ANXA11: variants seen among roughly 807,000 people sequenced by gnomAD.
ANXA11 encodes 56 kDa autoantigen.
A neutral mutation model predicts 64.7 loss-of-function variants in ANXA11; 57 were observed. The observed-to-expected ratio is 0.88, with a 90% CI of 0.71 to 1.10. The LOEUF is 1.10. ANXA11 is among the 50% of genes least tolerant of loss of function. ANXA11 has a pLI of 0.00. For missense variants in ANXA11, 675 were observed against 670.7 expected (o/e 1.01, Z -0.07); for synonymous variants, 260 against 265.2 (o/e 0.98, Z 0.19).
intron 8 of ANXA11, among the ~76,000 whole-genome samples, chr10:80,165,469 G>A (rs908295622): frequency 2.6e-5 from 4 of 152,180 alleles, no homozygotes; most frequent in Admixed American, 1.3e-4. Context: ...GAACCTGCCC[G>A]TTTGGAGACC....
At chr10:80,159,244 A>G in intron 12 of ANXA11, 49 bp from the exon 13 acceptor site, 7 of 1,502,342 alleles carry the variant, frequency 4.7e-6, no homozygotes, top group Non-Finnish European at 6.5e-6. Context: ...GTGTCTCCCC[A>G]AAGTTCATAT....
intron 9 of ANXA11, among the ~76,000 whole-genome samples, 195 bp downstream of exon 9, chr10:80,163,858 G>A (rs1845619872): frequency 6.6e-6 from 1 of 152,170 alleles, no homozygotes. Context: ...CCTTACATTA[G>A]TCATTTGCAC....
intron 1 of ANXA11, among the ~76,000 whole-genome samples, chr10:80,191,555 T>G (rs1846776121): frequency 6.6e-6 from 1 of 152,148 alleles, no homozygotes; most frequent in Non-Finnish European, 1.5e-5. Context: ...TCAGCCAGCT[T>G]TCTTCAACAA....
At chr10:80,181,547 A>G (rs148177589) in intron 1 of ANXA11, 27 of 152,306 alleles carry the variant, frequency 1.8e-4, no homozygotes, top group African/African-American at 5.8e-4. Context: ...TGCAAAAGAC[A>G]TATCTGATAA....
At position 80,164,137 on chromosome 10, in the gene ANXA11, C is replaced by T. The variant is rs763349646; in HGVS notation, c.865G>A (p.Gly289Ser). The change falls in exon 9 of 16, where the codon GGC becomes AGC. Residue 289 changes from glycine (G) to serine (S), a missense_variant. Physicochemically the swap from Gly to Ser is moderately conservative, Grantham distance 56. Transcript: ENST00000422982. Reference protein sequence around the residue: ...YEIKEAIKGVGTDEACLIEIL... With the variant: ...YEIKEAIKGVSTDEACLIEIL... The stretch of plus-strand genomic sequence containing the variant: ...TCAATCAGGCAGGCTTCATCAGTGC[C>T]AACCCCCTGCAGGGGCAGAGAATAC... 1.9e-6 allele frequency: 3 copies of T among 1,613,772 alleles called. No homozygotes were observed. In the South Asian group the frequency reaches 3.3e-5, roughly 18 times the overall value.
chr10:80,169,167 C>A lies in ANXA11; in HGVS notation c.363G>T (p.Pro121=). Residue 121 remains proline, a synonymous_variant, in exon 5 of 16, where the codon CCG becomes CCT. Transcript: ENST00000422982. ...GNPPSRMPSY[P]PYPGAPVPGQ... ...CCGGCACAGGGGCCCCTGGGTATGGCGGATATGAGGGCATCCTGGAGGGTG... is the reference window on the plus strand; with the variant it reads ...CCGGCACAGGGGCCCCTGGGTATGGAGGATATGAGGGCATCCTGGAGGGTG... 2 of 1,584,048 alleles carry A rather than the reference C, an allele frequency of 1.3e-6. No homozygotes were observed. The highest frequency in any genetic ancestry group is 1.7e-6 in the Non-Finnish European group (2 of 1,167,704).
intron 7 of ANXA11, 63 bp downstream of exon 7, chr10:80,166,827 G>C (rs774732485): frequency 5.0e-5 from 64 of 1,282,870 alleles, no homozygotes; most frequent in Non-Finnish European, 6.8e-5. Context: ...AAGCAGGGGA[G>C]AGCAGGGCTG....
intron 1 of ANXA11, among the ~76,000 whole-genome samples, chr10:80,200,661 G>A (rs1274257046): frequency 6.6e-6 from 1 of 152,206 alleles, no homozygotes; most frequent in African/African-American, 2.4e-5. Flanking sequence ...TAAAGTCAGC[G>A]TCCCGCAGAG....
intron 1 of ANXA11, among the ~76,000 whole-genome samples, chr10:80,177,262 T>C (rs1160253032): frequency 6.6e-6 from 1 of 152,178 alleles, no homozygotes; most frequent in Non-Finnish European, 1.5e-5. Flanking sequence ...GTTCTGGGAT[T>C]ACATGCCTGG....
intron 5 of ANXA11, among the ~76,000 whole-genome samples, chr10:80,167,827 G>C (rs1350431533): frequency 6.6e-6 from 1 of 152,200 alleles, no homozygotes; most frequent in African/African-American, 2.4e-5. Flanking sequence ...CTGTTCTCTA[G>C]ACTAGCATCT....
intron 4 of ANXA11, among the ~76,000 whole-genome samples, chr10:80,170,251 G>T (rs1337472654): frequency 6.6e-6 from 1 of 152,140 alleles, no homozygotes; most frequent in Non-Finnish European, 1.5e-5. Flanking sequence ...ACAAATTAGG[G>T]TGTGTATTGG....
chr10:80,161,811 T>C (rs1845518924), intron 12 of ANXA11, 124 bp downstream of exon 12: 2 of 760,030 alleles, frequency 2.6e-6, no homozygotes, highest in Non-Finnish European at 2.2e-6. Flanking sequence ...ACCAGGGGGC[T>C]CTTTTGAGGA....
At chr10:80,177,074 G>A (rs966991749) in intron 1 of ANXA11, among the ~76,000 whole-genome samples, 10 of 150,238 alleles carry the variant, frequency 6.7e-5, no homozygotes, top group African/African-American at 2.5e-4. Context: ...CCACCTCCTC[G>A]GTGCAAGCAA....
At chr10:80,187,032 G>A (rs1001707039) in intron 1 of ANXA11, among the ~76,000 whole-genome samples, 3 of 152,218 alleles carry the variant, frequency 2.0e-5, no homozygotes, top group Admixed American at 1.3e-4. Context: ...TGGCTGCCTC[G>A]CAGGCCAGCA....
intron 9 of ANXA11, 147 bp from the exon 10 acceptor site, chr10:80,163,760 C>G: frequency 1.3e-6 from 1 of 764,502 alleles, no homozygotes; most frequent in Non-Finnish European, 2.1e-6. Flanking sequence ...ATATGGCCCT[C>G]CAGGGATATA....
intron 3 of ANXA11, chr10:80,171,247 GGACA>G: frequency 8.4e-7 from 1 of 1,184,852 alleles, no homozygotes; most frequent in Non-Finnish European, 1.1e-6. Flanking sequence ...GGACAGACAA[GGACA>G]GACTGTTGTG....
intron 1 of ANXA11, among the ~76,000 whole-genome samples, chr10:80,179,249 C>A (rs11202001): frequency 6.6e-6 from 1 of 152,260 alleles, no homozygotes; most frequent in East Asian, 1.9e-4. Context: ...CTGCCTGCCA[C>A]ATGATTGTAA....
At chr10:80,176,048 C>G (rs372582092) in intron 2 of ANXA11, 59 bp downstream of exon 2, 1 of 152,052 alleles carries the variant, frequency 6.6e-6, no homozygotes, top group Non-Finnish European at 1.5e-5. Context: ...AGCGAGACTC[C>G]GTCTCCAAAA....
In ANXA11 at chr10:80,155,600, GA is replaced by G. The variant is rs1845243697; in HGVS notation, c.*252del. ...CAAAGGGGAATGATTGCATGAGTCA[GA>G]AAAATGAAACATCTATTTTAGCAGC... is the stretch of plus-strand genomic sequence containing the variant. On this transcript the variant is annotated 3_prime_UTR_variant, in exon 16 of 16. Transcript: ENST00000422982. The G allele has an allele frequency of 4.0e-6, 2 of 497,748 alleles. No individual in the cohort carries two copies. The highest frequency in any genetic ancestry group is 3.5e-6 in the Non-Finnish European group (1 of 282,088). The allele number at this position is 497,748 out of a possible 1,614,324, so 30.8% of individuals were successfully genotyped here.
Sources: gnomAD v4.1 joint callset for allele counts (sites outside exome capture counted in the v4.1 genomes callset) on GRCh38, gnomAD v4.1.1 for gene constraint, MANE v1.5 for transcripts, NCBI Gene and HGNC (gene_info 2026-07-23, HGNC 2026-07-21) for gene names.